The following JPH3 variants were observed in gnomAD, a reference collection of about 807,000 sequenced individuals.
JPH3 encodes the protein junctophilin-3.
Under a neutral mutation model 59.6 loss-of-function variants are expected in JPH3, and 11 were observed. The ratio of observed to expected loss-of-function variants is 0.18; its 90% CI spans 0.12 to 0.31. JPH3 has a LOEUF of 0.31. JPH3 is among the 10% of genes least tolerant of loss of function. The pLI, the probability that JPH3 is intolerant of heterozygous loss-of-function variation, is 1.00. For synonymous variants in JPH3, 673 were observed against 483.6 expected, an observed-to-expected ratio of 1.39 and a Z score of -5.14; for missense variants, 1,202 against 1,105.7, an observed-to-expected ratio of 1.09 and a Z score of -1.24.
intron 1 of JPH3, among the ~76,000 whole-genome samples, chr16:87,603,798 G>T (rs1471146497): frequency 7.2e-5 from 11 of 152,180 alleles, no homozygotes; most frequent in Admixed American, 6.5e-4. Flanking sequence ...TCCGTGCGTC[G>T]GACACAGCAG....
At chr16:87,629,062 C>T (rs188389894) in intron 1 of JPH3, among the ~76,000 whole-genome samples, 127 of 152,088 alleles carry the variant, frequency 8.4e-4, no homozygotes, top group African/African-American at 2.7e-3. Context: ...CCAGGGCTAA[C>T]GCTGTGGGGG....
At chr16:87,630,094 G>C (rs1228217250) in intron 1 of JPH3, among the ~76,000 whole-genome samples, 1 of 152,190 alleles carries the variant, frequency 6.6e-6, no homozygotes, top group Non-Finnish European at 1.5e-5. Flanking sequence ...GGGCGTGGCT[G>C]CTCCACTCAG....
Position 87,696,138 on chromosome 16 carries a change from G to A in JPH3, c.2167-442G>A, listed in dbSNP as rs537846889. 6 of 458,372 alleles carry A rather than the reference G, an allele frequency of 1.3e-5. No homozygotes were observed. The East Asian group carries it at 2.1e-4, about 16-fold the overall frequency. The allele number at this position is 458,372 out of a possible 1,614,324, so 28.4% of individuals were successfully genotyped here. A position where few individuals can be genotyped will look rare whatever the true frequency, so the allele number is the denominator to read the frequency against. On this transcript the variant is annotated intron_variant, in intron 4 of 4. Transcript: ENST00000284262. Reference sequence around the variant, plus strand: ...AGTTCCAGGGCCTCTCTGCTGGGCTGCATCTGACACTGGCCATGGCAGCCA... The same window carrying A: ...AGTTCCAGGGCCTCTCTGCTGGGCTACATCTGACACTGGCCATGGCAGCCA...
chr16:87,643,299 C>T (rs185088693), intron 1 of JPH3, among the ~76,000 whole-genome samples: 121 of 152,340 alleles, frequency 7.9e-4, no homozygotes, highest in Non-Finnish European at 1.5e-3. Context: ...AGGTGATGGA[C>T]TTGTGGGTTG....
intron 1 of JPH3, among the ~76,000 whole-genome samples, chr16:87,636,276 A>C (rs825586): frequency 1.3e-5 from 2 of 152,094 alleles, no homozygotes; most frequent in Non-Finnish European, 1.5e-5. Flanking sequence ...TGCGCCGTTC[A>C]GCTCAGTTGC....
chr16:87,694,835 C>G, intron 4 of JPH3: 1 of 189,440 alleles, frequency 5.3e-6, no homozygotes, highest in Non-Finnish European at 1.1e-5. Flanking sequence ...CCCCAGCTCC[C>G]GGACTCTGCT....
Position 87,696,692 on chromosome 16 carries a change from G to A in JPH3, c.*32G>A, listed in dbSNP as rs182038089. 6.4e-7 allele frequency: 1 copy of A among 1,568,406 alleles called. No homozygotes were observed. On this transcript the variant is annotated 3_prime_UTR_variant, in exon 5 of 5. Coordinates refer to ENST00000284262, the MANE Select transcript of JPH3 (RefSeq NM_020655.4). ...GTCGCGGTAGCAAAAATAGAGAAAG[G>A]GTAGAAAAAAGGGACATTAAAATTA...
At position 87,611,054 on chromosome 16, in the gene JPH3, T is replaced by A. The variant is rs1024680614; in HGVS notation, c.382+7526T>A. Among the ~76,000 whole-genome samples the A allele has an allele frequency of 3.9e-5, 6 of 152,206 alleles. No individual in the cohort carries two copies. The highest frequency in any genetic ancestry group is 8.8e-5 in the Non-Finnish European group (6 of 68,040). On this transcript the variant is annotated intron_variant, in intron 1 of 4. Transcript: ENST00000284262. This position sits in a 1 kb window ranked among gnomAD's most constrained non-coding sequence, Gnocchi z 4.5. ...AACCTCAGTGAATCAGCCTTAAGTA[T>A]TTGCTGAGCATTGAGTATGTACGCA...
At position 87,696,910 on chromosome 16, in the gene JPH3, C is replaced by T. The variant is rs759178858; in HGVS notation, c.*250C>T. ...GTGTGGCATGGCAGAAGGAGGCCAG[C>T]ACGCAGCCCCTCCAGCTCCACGTGG... On this transcript the variant is annotated 3_prime_UTR_variant, in exon 5 of 5. Transcript: ENST00000284262. 4.8e-5 allele frequency: 23 copies of T among 478,674 alleles called. No homozygotes were observed. Among genetic ancestry groups the T allele is most frequent in the Non-Finnish European group, 8.0e-5 (21 of 261,170 alleles). The allele number at this position is 478,674 out of a possible 1,614,324, so 29.7% of individuals were successfully genotyped here. A position where few individuals can be genotyped will look rare whatever the true frequency, so the allele number is the denominator to read the frequency against.
intron 3 of JPH3, among the ~76,000 whole-genome samples, chr16:87,687,926 C>G (rs1567615005): frequency 6.7e-6 from 1 of 149,700 alleles, no homozygotes; most frequent in Non-Finnish European, 1.5e-5. Context: ...CTTGGAAGTC[C>G]CATCCTGGCC....
chr16:87,659,384 A>AAAAAAAAAAAAAAAAC (rs2032623979), intron 2 of JPH3, among the ~76,000 whole-genome samples: 1 of 120,516 alleles, frequency 8.3e-6, no homozygotes, highest in Non-Finnish European at 2.0e-5. Context: ...CAAAAAAAAA[A>AAAAAAAAAAAAAAAAC]AAGAAAAAAA....
At chr16:87,646,147 G>T (rs1016907291) in intron 2 of JPH3, among the ~76,000 whole-genome samples, 2 of 152,214 alleles carry the variant, frequency 1.3e-5, no homozygotes, top group African/African-American at 4.8e-5. Flanking sequence ...GGCAGACCTG[G>T]AGTTCCTCCA....
chr16:87,652,904 C>G (rs2032370628), intron 2 of JPH3, among the ~76,000 whole-genome samples: 2 of 152,244 alleles, frequency 1.3e-5, no homozygotes, highest in Non-Finnish European at 2.9e-5. Flanking sequence ...GCACCCACTA[C>G]AGACACAGCT....
chr16:87,617,424 T>C (rs1050075193), intron 1 of JPH3, among the ~76,000 whole-genome samples: 1 of 152,030 alleles, frequency 6.6e-6, no homozygotes, highest in South Asian at 2.1e-4. Flanking sequence ...TGTGCACAGA[T>C]GTCTTCGCTT....
chr16:87,662,634 G>A (rs904650085), intron 2 of JPH3, among the ~76,000 whole-genome samples: 6 of 152,146 alleles, frequency 3.9e-5, no homozygotes. Context: ...AGTCTGTCCC[G>A]GCCATGGACC....
intron 2 of JPH3, among the ~76,000 whole-genome samples, chr16:87,660,611 C>T (rs139148442): frequency 2.8e-4 from 43 of 152,298 alleles, no homozygotes; most frequent in African/African-American, 8.7e-4. Flanking sequence ...CCAGTCTCCC[C>T]GTTTTGTAGA....
intron 2 of JPH3, among the ~76,000 whole-genome samples, chr16:87,671,484 G>A (rs1168993914): frequency 6.6e-6 from 1 of 152,232 alleles, no homozygotes; most frequent in African/African-American, 2.4e-5. Flanking sequence ...CGGCCGCTGT[G>A]CCTGCTCCTA....
At chr16:87,684,034 T>C in intron 2 of JPH3, 108 bp from the exon 3 acceptor site, 1 of 724,046 alleles carries the variant, frequency 1.4e-6, no homozygotes, top group Non-Finnish European at 2.4e-6. Context: ...GGTGCCAGCA[T>C]CTTGTCTTAG....
At chr16:87,661,734 G>T (rs57057148) in intron 2 of JPH3, among the ~76,000 whole-genome samples, 3 of 152,214 alleles carry the variant, frequency 2.0e-5, no homozygotes, top group Non-Finnish European at 4.4e-5. Flanking sequence ...AGAGTTCCCC[G>T]CAGGCCGCCA....
Sources: allele counts gnomAD v4.1 joint callset (sites outside exome capture counted in the v4.1 genomes callset), GRCh38; gene constraint gnomAD v4.1.1; non-coding constraint Gnocchi (gnomAD v3.1); transcripts MANE v1.5; gene names NCBI Gene and HGNC (gene_info 2026-07-23, HGNC 2026-07-21).